RAB31: variants seen among roughly 807,000 people sequenced by gnomAD.
RAB31 encodes the protein ras-related protein Rab-31.
A neutral mutation model predicts 25.6 loss-of-function variants in RAB31; 21 were observed. The observed-to-expected ratio is 0.82, with a 90% CI of 0.58 to 1.18. The LOEUF is 1.18. Ranked by LOEUF, RAB31 falls within the 50% of genes most tolerant of loss-of-function variation. The pLI, the probability that RAB31 is intolerant of heterozygous loss-of-function variation, is 0.00. For missense variants in RAB31, 196 were observed against 250.1 expected (o/e 0.78, Z 1.46); for synonymous variants, 87 against 84.0 (o/e 1.04, Z -0.20).
At chr18:9,840,335 G>A (rs185545925) in intron 5 of RAB31, among the ~76,000 whole-genome samples, 3 of 152,226 alleles carry the variant, frequency 2.0e-5, no homozygotes, top group Admixed American at 6.5e-5. Flanking sequence ...CTGTTTCAAC[G>A]CCTAGCACAA....
rs35970618 is a variant in RAB31, at chr18:9,860,584, AC to A, written c.*1261del. The stretch of plus-strand genomic sequence containing the variant: ...TCCTACTGAAAATTCAAATTCTATT[AC>A]CATTCTAACTTTCATAAAAAGTTGG... On this transcript the variant is annotated 3_prime_UTR_variant, in exon 7 of 7. Transcript: ENST00000578921. 6.6e-6 allele frequency: 1 copy of A among 152,228 alleles called. No individual in the cohort carries two copies. The highest frequency in any genetic ancestry group is 6.5e-5 in the Admixed American group (1 of 15,290). The allele number at this position is 152,228 out of a possible 1,614,324, so 9.4% of individuals were successfully genotyped here. A position where few individuals can be genotyped will look rare whatever the true frequency, so the allele number is the denominator to read the frequency against.
At chr18:9,761,028 A>G (rs2068285896) in intron 1 of RAB31, among the ~76,000 whole-genome samples, 1 of 152,114 alleles carries the variant, frequency 6.6e-6, no homozygotes, top group Non-Finnish European at 1.5e-5. Flanking sequence ...GGATGCTGTG[A>G]TATCTTCCCT....
At position 9,708,435 on chromosome 18, in the gene RAB31, C is replaced by A; in HGVS notation, c.30C>A (p.Cys10Ter). The change falls in exon 1 of 7, where the codon TGC becomes TGA. Residue 10 changes from cysteine (C) to a stop codon, truncating the protein, a stop_gained. Coordinates refer to ENST00000578921, the MANE Select transcript of RAB31 (RefSeq NM_006868.4). LOFTEE classifies it high-confidence loss of function. The surrounding 1 kb of genome is among the most constrained non-coding windows in gnomAD (Gnocchi z 6.4). ...TGGCGATACGGGAGCTCAAAGTGTG[C>A]CTTCTCGGGGTGAGTCCTGGCCGCC... MMAIRELKV[C>*]LLGDTGVGKS... 6.4e-7 allele frequency: 1 copy of A among 1,569,972 alleles called. No homozygotes were observed. The highest frequency in any genetic ancestry group is 8.6e-7 in the Non-Finnish European group (1 of 1,159,640).
intron 1 of RAB31, among the ~76,000 whole-genome samples, chr18:9,737,294 G>A (rs1389330320): frequency 2.0e-5 from 3 of 152,186 alleles, no homozygotes; most frequent in Admixed American, 6.5e-5. Flanking sequence ...TGCCTCTGTA[G>A]CAGGTGACAC....
intron 2 of RAB31, among the ~76,000 whole-genome samples, chr18:9,786,254 C>G (rs1452018019): frequency 6.6e-6 from 1 of 152,244 alleles, no homozygotes; most frequent in Non-Finnish European, 1.5e-5. Context: ...TTCTGGAGAG[C>G]TGAGTTTCCT....
intron 2 of RAB31, among the ~76,000 whole-genome samples, chr18:9,781,465 C>T (rs1215562424): frequency 2.6e-5 from 4 of 152,152 alleles, no homozygotes; most frequent in South Asian, 2.1e-4. Context: ...TACAGGCACT[C>T]GCCTCCACGC....
intron 1 of RAB31, among the ~76,000 whole-genome samples, chr18:9,746,921 A>G (rs981041760): frequency 6.6e-6 from 1 of 152,240 alleles, no homozygotes; most frequent in African/African-American, 2.4e-5. Flanking sequence ...CATAAATTGG[A>G]CCTCATCAAA....
At chr18:9,715,164 G>T (rs2068037617) in intron 1 of RAB31, among the ~76,000 whole-genome samples, 1 of 152,126 alleles carries the variant, frequency 6.6e-6, no homozygotes. Context: ...GATATGGTGG[G>T]AGTCAAATAC....
chr18:9,713,121 A>G (rs2068026269), intron 1 of RAB31, among the ~76,000 whole-genome samples: 3 of 152,238 alleles, frequency 2.0e-5, no homozygotes, highest in Non-Finnish European at 4.4e-5. Flanking sequence ...GCAACCTCAC[A>G]TGAGTTGCTA....
At chr18:9,820,746 C>T (rs1321734734) in intron 5 of RAB31, among the ~76,000 whole-genome samples, 3 of 152,020 alleles carry the variant, frequency 2.0e-5, no homozygotes, top group South Asian at 2.1e-4. Flanking sequence ...AGTGATGTCT[C>T]ATTTTCCATT....
chr18:9,810,060 C>T (rs191006676), intron 3 of RAB31, among the ~76,000 whole-genome samples: 18 of 152,326 alleles, frequency 1.2e-4, no homozygotes, highest in African/African-American at 4.3e-4. Flanking sequence ...ACAGCTATTT[C>T]TTTTGAGGAG....
intron 1 of RAB31, among the ~76,000 whole-genome samples, chr18:9,755,974 A>C (rs1275764420): frequency 2.6e-5 from 4 of 152,258 alleles, no homozygotes; most frequent in Non-Finnish European, 4.4e-5. Context: ...TCCAAAGAGC[A>C]TAGATTGAAG....
At chr18:9,729,285 T>C (rs2068110213) in intron 1 of RAB31, among the ~76,000 whole-genome samples, 1 of 152,186 alleles carries the variant, frequency 6.6e-6, no homozygotes, top group African/African-American at 2.4e-5. Flanking sequence ...CCCAGCACTT[T>C]GGAAGGCTGA....
At chr18:9,836,237 C>T (rs913750143) in intron 5 of RAB31, among the ~76,000 whole-genome samples, 6 of 151,816 alleles carry the variant, frequency 4.0e-5, no homozygotes, top group Non-Finnish European at 5.9e-5. Context: ...TGTAAGGAGA[C>T]GTTAAATGTT....
intron 6 of RAB31, among the ~76,000 whole-genome samples, chr18:9,848,975 T>C (rs1464235779): frequency 6.6e-6 from 1 of 152,216 alleles, no homozygotes; most frequent in Non-Finnish European, 1.5e-5. Context: ...GCTGCTCTGT[T>C]TGGGGTGGTC....
chr18:9,748,495 G>T (rs556625164), intron 1 of RAB31, among the ~76,000 whole-genome samples: 28 of 152,162 alleles, frequency 1.8e-4, no homozygotes, highest in Admixed American at 3.3e-4. Flanking sequence ...GGCAGAGCAA[G>T]ACCCTGTCTC....
chr18:9,777,737 A>G (rs1162330821), intron 2 of RAB31, among the ~76,000 whole-genome samples: 1 of 150,572 alleles, frequency 6.6e-6, no homozygotes, highest in Non-Finnish European at 1.5e-5. Context: ...TTTAAAATAA[A>G]ATCTTTTTGT....
At chr18:9,854,598 G>T (rs144995364) in intron 6 of RAB31, among the ~76,000 whole-genome samples, 1 of 152,072 alleles carries the variant, frequency 6.6e-6, no homozygotes, top group Non-Finnish European at 1.5e-5. Flanking sequence ...AATCCATTCC[G>T]GTCCTTTATA....
At chr18:9,801,601 C>T (rs1220546325) in intron 3 of RAB31, among the ~76,000 whole-genome samples, 1 of 152,082 alleles carries the variant, frequency 6.6e-6, no homozygotes, top group Admixed American at 6.6e-5. Context: ...TTTTAAAAAT[C>T]TCTTAGGTAT....
Sources: allele counts gnomAD v4.1 joint callset (sites outside exome capture counted in the v4.1 genomes callset), GRCh38; gene constraint gnomAD v4.1.1; non-coding constraint Gnocchi (gnomAD v3.1); transcripts MANE v1.5; gene names NCBI Gene and HGNC (gene_info 2026-07-23, HGNC 2026-07-21).